KCNIP4: variants seen among roughly 807,000 people sequenced by gnomAD.
The protein encoded by KCNIP4 is Kv channel-interacting protein 4.
In KCNIP4, 12 loss-of-function variants were observed where a neutral mutation model predicts 34.0. That is an observed-to-expected ratio of 0.35 (90% CI 0.23 to 0.57). KCNIP4 has a LOEUF of 0.57. Among genes scored for constraint, KCNIP4 ranks in the 20% least tolerant of loss-of-function variants. The pLI, the probability that KCNIP4 is intolerant of heterozygous loss-of-function variation, is 0.83. For missense variants in KCNIP4, 238 were observed against 311.7 expected (o/e 0.76, Z 1.78); for synonymous variants, 124 against 102.2 (o/e 1.21, Z -1.29).
intron 1 of KCNIP4, among the ~76,000 whole-genome samples, chr4:21,563,066 G>A (rs930118128): frequency 2.6e-5 from 4 of 151,954 alleles, no homozygotes; most frequent in African/African-American, 9.7e-5. Context: ...TTGGTCTGAT[G>A]TTTTAAATAT....
chr4:21,527,236 C>T (rs1021485834), intron 1 of KCNIP4, among the ~76,000 whole-genome samples: 1 of 152,104 alleles, frequency 6.6e-6, no homozygotes, highest in South Asian at 2.1e-4. Context: ...AACATAAATA[C>T]AAAACTGAAT....
chr4:21,237,650 G>A (rs889772219), intron 1 of KCNIP4, among the ~76,000 whole-genome samples: 12 of 152,060 alleles, frequency 7.9e-5, no homozygotes, highest in Admixed American at 2.0e-4. Flanking sequence ...TAAATTCCTC[G>A]ACACATACAC....
intron 1 of KCNIP4, among the ~76,000 whole-genome samples, chr4:21,473,229 C>T (rs923980502): frequency 1.1e-4 from 17 of 152,288 alleles, no homozygotes; most frequent in African/African-American, 3.8e-4. Flanking sequence ...CCATTTGTTA[C>T]TGCAGCATAA....
intron 1 of KCNIP4, among the ~76,000 whole-genome samples, chr4:20,957,176 C>A (rs533410172): frequency 6.6e-6 from 1 of 152,170 alleles, no homozygotes. Context: ...AGACCAAGAA[C>A]GGGTACCTCG....
At chr4:21,754,478 C>A (rs1276952230) in intron 1 of KCNIP4, among the ~76,000 whole-genome samples, 2 of 152,094 alleles carry the variant, frequency 1.3e-5, no homozygotes, top group Non-Finnish European at 2.9e-5. Flanking sequence ...GCATAAATAA[C>A]CATAAGCAAT....
At chr4:21,610,045 C>T (rs1302166568) in intron 1 of KCNIP4, among the ~76,000 whole-genome samples, 1 of 152,226 alleles carries the variant, frequency 6.6e-6, no homozygotes, top group Non-Finnish European at 1.5e-5. Context: ...CTCCTGCTAC[C>T]TTAGGGATAC....
Position 21,948,649 on chromosome 4 carries a change from G to A in KCNIP4, c.-18C>T. ...ACATTCATGTCTAGGGACGCAGGGTGCAGAAGCGAGACTCGAGAGTCCACC... is the reference window on the plus strand; with the variant it reads ...ACATTCATGTCTAGGGACGCAGGGTACAGAAGCGAGACTCGAGAGTCCACC... On this transcript the variant is annotated 5_prime_UTR_variant, in exon 1 of 9. Coordinates refer to ENST00000382152, the MANE Select transcript of KCNIP4 (RefSeq NM_025221.6). The A allele has an allele frequency of 6.2e-7, 1 of 1,609,596 alleles. No individual in the cohort carries two copies. Among genetic ancestry groups the A allele is most frequent in the Non-Finnish European group, 8.5e-7 (1 of 1,177,820 alleles).
chr4:21,310,295 C>G (rs1713010466), intron 1 of KCNIP4, among the ~76,000 whole-genome samples: 1 of 152,116 alleles, frequency 6.6e-6, no homozygotes, highest in African/African-American at 2.4e-5. Flanking sequence ...CTCTGCCTCC[C>G]AAAGTGCTGG....
At chr4:21,479,532 A>T (rs1280268607) in intron 1 of KCNIP4, among the ~76,000 whole-genome samples, 1 of 152,172 alleles carries the variant, frequency 6.6e-6, no homozygotes, top group African/African-American at 2.4e-5. Flanking sequence ...AAGAAGAAAG[A>T]TAGTGCTTAG....
At chr4:21,493,418 C>T (rs375066044) in intron 1 of KCNIP4, among the ~76,000 whole-genome samples, 8 of 151,028 alleles carry the variant, frequency 5.3e-5, no homozygotes, top group African/African-American at 1.9e-4. Context: ...TATCCTGCTC[C>T]CCATCACAAG....
intron 1 of KCNIP4, among the ~76,000 whole-genome samples, chr4:21,592,956 G>A (rs1742330675): frequency 6.6e-6 from 1 of 152,032 alleles, no homozygotes; most frequent in Non-Finnish European, 1.5e-5. Flanking sequence ...AAAATAAGAT[G>A]AATGGGAAGG....
At chr4:20,749,625 A>G in intron 5 of KCNIP4, 37 bp downstream of exon 5, 1 of 1,429,720 alleles carries the variant, frequency 7.0e-7, no homozygotes, top group Non-Finnish European at 9.8e-7. Flanking sequence ...ACTAAACTCT[A>G]AATAGTCAAA....
chr4:21,798,335 T>C (rs1254634694), intron 1 of KCNIP4, among the ~76,000 whole-genome samples: 5 of 149,782 alleles, frequency 3.3e-5, no homozygotes, highest in African/African-American at 1.2e-4. Flanking sequence ...GAAGATTGCT[T>C]GAGCTCAGGA....
At chr4:21,837,532 CAAA>C (rs60449238) in intron 1 of KCNIP4, among the ~76,000 whole-genome samples, 42 of 78,530 alleles carry the variant, frequency 5.3e-4, no homozygotes, top group Non-Finnish European at 7.3e-4. Flanking sequence ...AAAACGCTGT[CAAA>C]AAAAAAAAAA....
At chr4:20,891,222 T>C (rs536126972) in intron 1 of KCNIP4, among the ~76,000 whole-genome samples, 1 of 152,284 alleles carries the variant, frequency 6.6e-6, no homozygotes, top group East Asian at 1.9e-4. Context: ...AATGTTTTTC[T>C]TCCTAGATTT....
chr4:21,669,119 GCCTC>G (rs61679770), intron 1 of KCNIP4, among the ~76,000 whole-genome samples: 44 of 146,308 alleles, frequency 3.0e-4, no homozygotes, highest in East Asian at 9.9e-4. Flanking sequence ...GATTTTCCCT[GCCTC>G]CCTCCCTCCC....
chr4:21,054,104 A>T (rs1352384700), intron 1 of KCNIP4, among the ~76,000 whole-genome samples: 2 of 152,212 alleles, frequency 1.3e-5, no homozygotes, highest in Admixed American at 1.3e-4. Flanking sequence ...TATTACGTAG[A>T]TATTGACAAA....
chr4:21,059,824 A>G (rs1014723822), intron 1 of KCNIP4, among the ~76,000 whole-genome samples: 1 of 152,144 alleles, frequency 6.6e-6, no homozygotes, highest in African/African-American at 2.4e-5. Flanking sequence ...ACTCAACACA[A>G]TTTAACTGAG....
chr4:20,778,868 T>C (rs1756604491), intron 3 of KCNIP4, among the ~76,000 whole-genome samples: 1 of 152,174 alleles, frequency 6.6e-6, no homozygotes. Context: ...GAGCTGTGTG[T>C]GCATGTAAAA....
Sources: gnomAD v4.1 joint callset for allele counts (sites outside exome capture counted in the v4.1 genomes callset) on GRCh38, gnomAD v4.1.1 for gene constraint, MANE v1.5 for transcripts, NCBI Gene and HGNC (gene_info 2026-07-23, HGNC 2026-07-21) for gene names.